The following TAPBPL variants were observed in gnomAD, a reference collection of about 807,000 sequenced individuals.
TAPBPL encodes the protein tapasin-related protein.
Under a neutral mutation model 44.8 loss-of-function variants are expected in TAPBPL, and 32 were observed. The ratio of observed to expected loss-of-function variants is 0.71; its 90% CI spans 0.54 to 0.96. TAPBPL has a LOEUF of 0.96. TAPBPL is among the 40% of genes least tolerant of loss of function. The pLI, the probability that TAPBPL is intolerant of heterozygous loss-of-function variation, is 0.00. For missense variants in TAPBPL, 520 were observed against 586.6 expected, an observed-to-expected ratio of 0.89 and a Z score of 1.17; for synonymous variants, 230 against 240.7, an observed-to-expected ratio of 0.96 and a Z score of 0.41.
At chr12:6,452,610 G>T in intron 1 of TAPBPL, 1 of 1,321,218 alleles carries the variant, frequency 7.6e-7, no homozygotes, top group Admixed American at 3.7e-5. Flanking sequence ...AAGAGGAAAG[G>T]ACTCCCCAGG....
chr12:6,462,926 A>G (rs953549515), downstream of TAPBPL: 3 of 1,561,764 alleles, frequency 1.9e-6, no homozygotes, highest in African/African-American at 2.7e-5. Context: ...TGCTGCATGG[A>G]AAGTGGGCAT....
chr12:6,455,052 TTCTC>T (rs1245782038), intron 3 of TAPBPL, among the ~76,000 whole-genome samples: 2 of 152,182 alleles, frequency 1.3e-5, no homozygotes, highest in African/African-American at 2.4e-5. Context: ...GCGTAGGTAT[TTCTC>T]TCTTTTTATT....
chr12:6,457,646 C>T lies in TAPBPL; in HGVS notation c.806C>T (p.Thr269Ile), dbSNP rs146936905. Residue 269 changes from threonine to isoleucine, a missense_variant, in exon 4 of 7, where the codon ACC becomes ATC. Physicochemically the swap from Thr to Ile is moderately conservative, Grantham distance 89 (BLOSUM62 -1). Coordinates refer to ENST00000266556, the MANE Select transcript of TAPBPL (RefSeq NM_018009.5). Reference sequence around the variant, plus strand: ...GGCATGGCCAGGGATGCCTCCCTCACCCTGCCCGGCCTCACTATACAGGAC... The same window carrying T: ...GGCATGGCCAGGGATGCCTCCCTCATCCTGCCCGGCCTCACTATACAGGAC... Reference protein sequence around the residue: ...QLGMARDASLTLPGLTIQDEG... With the variant: ...QLGMARDASLILPGLTIQDEG... The T allele has an allele frequency of 6.2e-7, 1 of 1,614,192 alleles. No individual in the cohort carries two copies. Among genetic ancestry groups the T allele is most frequent in the Non-Finnish European group, 8.5e-7 (1 of 1,180,032 alleles).
At chr12:6,462,588 C>G, downstream of TAPBPL, 1 of 580,082 alleles carries the variant, frequency 1.7e-6, no homozygotes, top group East Asian at 2.9e-5. Flanking sequence ...AGGGCTAATA[C>G]CCCCAAAGAA....
chr12:6,465,371 T>A (rs1351134798), downstream of TAPBPL: 6 of 113,768 alleles, frequency 5.3e-5, no homozygotes, highest in South Asian at 1.1e-4. Flanking sequence ...TATATATATA[T>A]AAATGTATAT....
At chr12:6,465,022 T>A, downstream of TAPBPL, 1 of 1,589,172 alleles carries the variant, frequency 6.3e-7, no homozygotes, top group Non-Finnish European at 8.6e-7. Context: ...GAAACAGAAT[T>A]CCTTCCATCC....
rs1359462104 is a variant in TAPBPL, at chr12:6,458,775, C to T, written c.1035C>T (p.Ala345=). The change falls in exon 5 of 7, where the codon GCC becomes GCT. Residue 345 remains alanine, a synonymous_variant. Coordinates refer to ENST00000266556, the MANE Select transcript of TAPBPL (RefSeq NM_018009.5). ...GAGAGGAGCTGGGTGGATCCCCAGC[C>T]CAAGTCTCTGGTGCCTCCTTCTCCA... ...WTREELGGSP[A]QVSGASFSSL... is the part of the protein sequence containing the mutation. 1 of 1,614,142 alleles carries T rather than the reference C, an allele frequency of 6.2e-7. No individual in the cohort carries two copies. Among genetic ancestry groups the T allele is most frequent in the Non-Finnish European group, 8.5e-7 (1 of 1,180,042 alleles).
chr12:6,452,034 G>A, upstream of TAPBPL: 1 of 600,924 alleles, frequency 1.7e-6, no homozygotes, highest in Non-Finnish European at 3.0e-6. Context: ...GGCTCTGGCA[G>A]CTGCTGCAGA....
Position 6,452,285 on chromosome 12 carries a change from C to A in TAPBPL, c.37C>A (p.Leu13Met), listed in dbSNP as rs1206143067. The change falls in exon 1 of 7, where the codon CTG (leucine) becomes ATG (methionine). Residue 13 changes from leucine (L) to methionine (M), a missense_variant. Physicochemically the swap from Leu to Met is conservative, Grantham distance 15 (BLOSUM62 2). Coordinates refer to ENST00000266556, the MANE Select transcript of TAPBPL (RefSeq NM_018009.5). ...GGAGGGCTGGTGCCTGCTGCTCTGCCTGGCTCTATCTGGAGCAGCAGAAAC... is the reference window on the plus strand; with the variant it reads ...GGAGGGCTGGTGCCTGCTGCTCTGCATGGCTCTATCTGGAGCAGCAGAAAC... ...TQEGWCLLLC[L>M]ALSGAAETKP... 8 of 1,574,882 alleles carry A rather than the reference C, an allele frequency of 5.1e-6. No homozygotes were observed. The highest frequency in any genetic ancestry group is 1.3e-5 in the African/African-American group (1 of 74,662).
chr12:6,460,937 A>G lies in TAPBPL; in HGVS notation c.1290A>G (p.Gln430=). The change falls in exon 6 of 7, where the codon CAA becomes CAG. Residue 430 remains glutamine (Q), a splice_region_variant and synonymous_variant. Coordinates refer to ENST00000266556, the MANE Select transcript of TAPBPL (RefSeq NM_018009.5). ...TGTTCCTGGGGCTTCAGAGACGGCA[A>G]GGTAAGAGCCTGGGTGCCCTTGGCT... is the stretch of plus-strand genomic sequence containing the variant. ...ALMFLGLQRR[Q]APTGLGLLQA... The G allele has an allele frequency of 1.2e-6, 2 of 1,614,058 alleles. No individual in the cohort carries two copies. Among genetic ancestry groups the G allele is most frequent in the Non-Finnish European group, 1.7e-6 (2 of 1,179,984 alleles).
At chr12:6,468,731 T>C (rs1033318721), downstream of TAPBPL, among the ~76,000 whole-genome samples, 35 of 152,278 alleles carry the variant, frequency 2.3e-4, no homozygotes, top group African/African-American at 8.4e-4. Flanking sequence ...CAAACTCCTC[T>C]CCATGTCCCA....
downstream of TAPBPL, chr12:6,463,646 C>T (rs1949935426): frequency 1.8e-6 from 2 of 1,081,356 alleles, no homozygotes; most frequent in Non-Finnish European, 2.3e-6. The surrounding 1 kb of genome is among the most constrained non-coding windows in gnomAD (Gnocchi z 4.0). Flanking sequence ...TAACTGGGAG[C>T]TAGGTTAAAT....
chr12:6,470,256 C>T (rs76498272), downstream of TAPBPL, among the ~76,000 whole-genome samples: 4,137 of 152,132 alleles, frequency 0.027, 115 homozygotes, highest in East Asian at 0.12. Flanking sequence ...ATACCAAAAC[C>T]AGAATGAGGC....
In TAPBPL at chr12:6,458,692, A is replaced by G. The variant is rs752321135; in HGVS notation, c.952A>G (p.Thr318Ala). Residue 318 changes from threonine (T) to alanine (A), a missense_variant, in exon 5 of 7, where the codon ACC (threonine) becomes GCC (alanine). By Grantham distance (58) the Thr-to-Ala change is moderately conservative. Coordinates refer to ENST00000266556, the MANE Select transcript of TAPBPL (RefSeq NM_018009.5). ...LSLANEALLP[T>A]LICDIAGYYP... ...CTTGGCAAACGAAGCTCTGCTGCCC[A>G]CCCTCATCTGCGACATTGCTGGCTA... is the stretch of plus-strand genomic sequence containing the variant. The G allele has an allele frequency of 1.2e-6, 2 of 1,613,946 alleles. No homozygotes were observed. The highest frequency in any genetic ancestry group is 3.3e-5 in the Admixed American group (2 of 59,998).
rs894106212 is a variant in TAPBPL, at chr12:6,458,290, C to T, written c.905-355C>T. ...ACTCAGGAGGCTGAGGCAGAAGAAT[C>T]GCTTGAACCCCGGAGGTGGAGGTTG... On this transcript the variant is annotated intron_variant, in intron 4 of 6. Transcript: ENST00000266556. 3.0e-4 allele frequency among the ~76,000 whole-genome samples: 46 copies of T among 151,832 alleles called. 1 individual carries two copies. The highest frequency in any genetic ancestry group is 2.6e-3 in the Admixed American group (39 of 15,236).
chr12:6,468,974 A>T (rs2240866), downstream of TAPBPL, among the ~76,000 whole-genome samples: 42,333 of 152,092 alleles, frequency 0.28, 6,154 homozygotes, highest in Middle Eastern at 0.36. Flanking sequence ...GTCACCTAAA[A>T]GGAAATTATT....
At chr12:6,456,928 C>T (rs1239799853) in intron 3 of TAPBPL, among the ~76,000 whole-genome samples, 1 of 152,234 alleles carries the variant, frequency 6.6e-6, no homozygotes, top group African/African-American at 2.4e-5. Context: ...GCTGGGATTA[C>T]CGGCATGAGC....
At chr12:6,463,003 G>T (rs746214938), downstream of TAPBPL, 8 of 1,549,830 alleles carry the variant, frequency 5.2e-6, no homozygotes, top group African/African-American at 1.4e-5. The surrounding 1 kb of genome is among the most constrained non-coding windows in gnomAD (Gnocchi z 4.0). Context: ...GGAATAAAGG[G>T]CCATGGGCAT....
chr12:6,471,645 T>A, the TAPBPL span, among the ~76,000 whole-genome samples: 3 of 152,116 alleles, frequency 2.0e-5, no homozygotes, highest in Non-Finnish European at 4.4e-5. The surrounding 1 kb of genome is among the most constrained non-coding windows in gnomAD (Gnocchi z 4.0). Flanking sequence ...CTGGCCAACA[T>A]GGCGAAACCT....
Sources: allele counts gnomAD v4.1 joint callset (sites outside exome capture counted in the v4.1 genomes callset), GRCh38; gene constraint gnomAD v4.1.1; non-coding constraint Gnocchi (gnomAD v3.1); transcripts MANE v1.5; gene names NCBI Gene and HGNC (gene_info 2026-07-23, HGNC 2026-07-21).